The following DSCAM variants were observed in gnomAD, a reference collection of about 807,000 sequenced individuals.
DSCAM encodes cell adhesion molecule DSCAM.
In DSCAM, 47 loss-of-function variants were observed where a neutral mutation model predicts 217.7. The observed-to-expected ratio is 0.22, with a 90% CI of 0.17 to 0.28. The LOEUF is 0.28. Ranked by LOEUF, DSCAM falls within the 10% of genes least tolerant of loss-of-function variation. The pLI is 1.00. For missense variants in DSCAM, 2,080 were observed against 2,618.3 expected (o/e 0.79, Z 4.49); for synonymous variants, 1,056 against 1,015.3 (o/e 1.04, Z -0.76).
chr21:40,428,833 TAC>T (rs35691309), intron 3 of DSCAM, among the ~76,000 whole-genome samples: 32 of 148,850 alleles, frequency 2.1e-4, no homozygotes, highest in East Asian at 5.9e-4. Context: ...AGCGACCTAA[TAC>T]ACACACACAC....
intron 20 of DSCAM, among the ~76,000 whole-genome samples, chr21:40,110,644 T>C (rs967537319): frequency 5.3e-5 from 8 of 152,150 alleles, no homozygotes; most frequent in East Asian, 1.9e-4. Flanking sequence ...TTTGAACCCA[T>C]GGCAAAGAAG....
At chr21:40,199,569 A>C (rs1375236843) in intron 11 of DSCAM, among the ~76,000 whole-genome samples, 1 of 152,168 alleles carries the variant, frequency 6.6e-6, no homozygotes, top group East Asian at 1.9e-4. Flanking sequence ...TTGAGGAATC[A>C]CCACACTGTT....
chr21:40,280,515 A>C (rs2067087476), intron 10 of DSCAM, among the ~76,000 whole-genome samples: 1 of 152,118 alleles, frequency 6.6e-6, no homozygotes, highest in Admixed American at 6.5e-5. Flanking sequence ...AAATAAATAC[A>C]TCAGTATAAG....
intron 4 of DSCAM, among the ~76,000 whole-genome samples, chr21:40,364,729 CATAT>C (rs375390737): frequency 2.8e-5 from 4 of 140,728 alleles, no homozygotes; most frequent in East Asian, 4.1e-4. Flanking sequence ...AGTATATATA[CATAT>C]ATATATATAC....
intron 3 of DSCAM, among the ~76,000 whole-genome samples, chr21:40,378,985 A>G (rs1420109251): frequency 1.3e-5 from 2 of 152,234 alleles, no homozygotes; most frequent in Non-Finnish European, 2.9e-5. Flanking sequence ...GTTACATAAA[A>G]GACAGTAAGG....
At chr21:40,352,822 C>T (rs1179012962) in intron 5 of DSCAM, among the ~76,000 whole-genome samples, 1 of 152,098 alleles carries the variant, frequency 6.6e-6, no homozygotes, top group East Asian at 1.9e-4. Flanking sequence ...TAGATTGTGA[C>T]CCTGCGATCA....
chr21:40,327,681 T>G (rs1328556125), intron 8 of DSCAM, among the ~76,000 whole-genome samples: 3 of 152,150 alleles, frequency 2.0e-5, no homozygotes, highest in Non-Finnish European at 4.4e-5. Context: ...AGCTGTAGGT[T>G]TGTCATGTAT....
At chr21:40,603,500 G>C (rs929722338) in intron 3 of DSCAM, among the ~76,000 whole-genome samples, 1 of 152,086 alleles carries the variant, frequency 6.6e-6, no homozygotes, top group East Asian at 1.9e-4. Context: ...TTATTCCTAC[G>C]AAGCTCCTCC....
chr21:40,663,084 T>G (rs1448844403), intron 3 of DSCAM, among the ~76,000 whole-genome samples: 4 of 150,190 alleles, frequency 2.7e-5, no homozygotes, highest in African/African-American at 9.8e-5. Context: ...TGCCAGTATG[T>G]GTAGTATGTA....
intron 1 of DSCAM, among the ~76,000 whole-genome samples, chr21:40,717,536 G>C (rs896005989): frequency 1.3e-5 from 2 of 152,180 alleles, no homozygotes; most frequent in Admixed American, 6.6e-5. Context: ...AGCTACAATG[G>C]GGATGACCCT....
chr21:40,241,121 A>G (rs938068767), intron 11 of DSCAM, among the ~76,000 whole-genome samples: 2 of 152,246 alleles, frequency 1.3e-5, no homozygotes, highest in Admixed American at 6.5e-5. Flanking sequence ...TCACAACAAA[A>G]GCAAAAATTG....
chr21:40,106,230 G>A (rs116234581), intron 20 of DSCAM, among the ~76,000 whole-genome samples: 2,791 of 152,172 alleles, frequency 0.018, 80 homozygotes, highest in African/African-American at 0.057. Context: ...AGGAAAATCC[G>A]CCCCCATGAT....
At chr21:40,115,126 G>T (rs1016882462) in intron 20 of DSCAM, among the ~76,000 whole-genome samples, 2 of 152,138 alleles carry the variant, frequency 1.3e-5, no homozygotes, top group African/African-American at 4.8e-5. Context: ...TATGTTTACT[G>T]TGGCACTATT....
intron 3 of DSCAM, among the ~76,000 whole-genome samples, chr21:40,605,185 C>T (rs533431031): frequency 6.6e-6 from 1 of 152,284 alleles, no homozygotes; most frequent in African/African-American, 2.4e-5. Flanking sequence ...TACTTAGTCT[C>T]CAGCAATTCA....
At chr21:40,751,984 T>C (rs759902534) in intron 1 of DSCAM, among the ~76,000 whole-genome samples, 3 of 152,156 alleles carry the variant, frequency 2.0e-5, no homozygotes, top group African/African-American at 7.2e-5. Context: ...CAGCTCACTG[T>C]GCAGCAAATT....
rs1375024048 is a variant in DSCAM at position 40,436,137 on chromosome 21, A to C, written c.509-66892T>G. 2.0e-5 allele frequency among the ~76,000 whole-genome samples: 3 copies of C among 152,362 alleles called. No homozygotes were observed. In the East Asian group the frequency reaches 5.8e-4, roughly 29 times the overall value. ...ATTTTCAATTTAGGATGAGTTTATC[A>C]GGACATAACCCCATCATAAGTCAGG... On this transcript the variant is annotated intron_variant, in intron 3 of 32. Coordinates refer to ENST00000400454, the MANE Select transcript of DSCAM (RefSeq NM_001389.5).
At chr21:40,302,462 T>C (rs563600153) in intron 9 of DSCAM, among the ~76,000 whole-genome samples, 72 of 152,314 alleles carry the variant, frequency 4.7e-4, no homozygotes, top group South Asian at 3.1e-3. Flanking sequence ...CCTCTTTTTC[T>C]TTATAAATTA....
At chr21:40,761,331 C>T (rs74761971) in intron 1 of DSCAM, among the ~76,000 whole-genome samples, 5,654 of 152,214 alleles carry the variant, frequency 0.037, 347 homozygotes, top group African/African-American at 0.13. Context: ...TATTTCCTGG[C>T]TCATGGCCCC....
intron 9 of DSCAM, among the ~76,000 whole-genome samples, chr21:40,298,084 CTTT>C (rs59908038): frequency 3.8e-5 from 5 of 132,636 alleles, no homozygotes; most frequent in African/African-American, 8.8e-5. Flanking sequence ...TTAGCTTTTA[CTTT>C]TTTTTTTTTT....
Sources: allele counts gnomAD v4.1 joint callset (sites outside exome capture counted in the v4.1 genomes callset), GRCh38; gene constraint gnomAD v4.1.1; transcripts MANE v1.5; gene names NCBI Gene and HGNC (gene_info 2026-07-23, HGNC 2026-07-21).